SLC9A4: variants seen among roughly 807,000 people sequenced by gnomAD.
SLC9A4 encodes sodium/hydrogen exchanger 4.
In SLC9A4, 63 loss-of-function variants were observed where a neutral mutation model predicts 67.4. The observed-to-expected ratio is 0.93, with a 90% CI of 0.76 to 1.15. The LOEUF is 1.15. Ranked by LOEUF, SLC9A4 falls within the 50% of genes most tolerant of loss-of-function variation. The pLI is 0.00. For synonymous variants in SLC9A4, 393 were observed against 367.2 expected (o/e 1.07, Z -0.80); for missense variants, 1,089 against 987.7 (o/e 1.10, Z -1.38).
chr2:102,505,122 A>T (rs1685022690), intron 3 of SLC9A4, 132 bp from the exon 4 acceptor site: 2 of 784,310 alleles, frequency 2.6e-6, no homozygotes, highest in Non-Finnish European at 4.0e-6. Context: ...ATCTGCAGCC[A>T]CAGAAGGGAA....
At chr2:102,509,129 A>C (rs1440754937) in intron 6 of SLC9A4, among the ~76,000 whole-genome samples, 196 bp downstream of exon 6, 1 of 152,226 alleles carries the variant, frequency 6.6e-6, no homozygotes, top group Non-Finnish European at 1.5e-5. Context: ...ATTGTCTTAT[A>C]GTTCTGGAGG....
chr2:102,497,935 T>C (rs1459445450), intron 2 of SLC9A4, among the ~76,000 whole-genome samples: 1 of 152,244 alleles, frequency 6.6e-6, no homozygotes, highest in Non-Finnish European at 1.5e-5. Flanking sequence ...TCTCTGTGTG[T>C]TAAAAGGGCT....
At chr2:102,496,603 TC>T (rs1460217569) in intron 2 of SLC9A4, among the ~76,000 whole-genome samples, 4 of 152,188 alleles carry the variant, frequency 2.6e-5, no homozygotes, top group Non-Finnish European at 4.4e-5. Flanking sequence ...TGCCATTAGC[TC>T]CCAGACCCAG....
intron 9 of SLC9A4, among the ~76,000 whole-genome samples, chr2:102,523,107 C>T (rs916281856): frequency 4.0e-5 from 6 of 150,378 alleles, no homozygotes; most frequent in African/African-American, 7.4e-5. Flanking sequence ...TAGCTAGGAC[C>T]GCAGGTTCAC....
At chr2:102,522,124 C>G (rs975150757) in intron 9 of SLC9A4, among the ~76,000 whole-genome samples, 1 of 152,184 alleles carries the variant, frequency 6.6e-6, no homozygotes, top group African/African-American at 2.4e-5. Flanking sequence ...AACACTGTTA[C>G]TAATCTTACA....
Position 102,505,465 on chromosome 2 carries a change from G to A in SLC9A4, c.1192G>A (p.Ala398Thr), listed in dbSNP as rs947437875. 1.2e-6 allele frequency: 2 copies of A among 1,613,666 alleles called. No homozygotes were observed. Among genetic ancestry groups the A allele is most frequent in the Non-Finnish European group, 1.7e-6 (2 of 1,180,020 alleles). ...CCTGGCCTTCTGCCAAATCTGGAGA[G>A]CCATCAGTAAGAGACGGCAGGGCTC... ...FTLAFCQIWRAISVFALFYIS... is the reference protein window; with the variant it reads ...FTLAFCQIWRTISVFALFYIS... The change falls in exon 4 of 12, where the codon GCC becomes ACC. Residue 398 changes from alanine to threonine, a missense_variant. Coordinates refer to ENST00000295269, the MANE Select transcript of SLC9A4 (RefSeq NM_001011552.4).
At chr2:102,507,004 C>T (rs561260775) in intron 4 of SLC9A4, among the ~76,000 whole-genome samples, 4 of 152,252 alleles carry the variant, frequency 2.6e-5, no homozygotes, top group Admixed American at 1.3e-4. Flanking sequence ...AGTTCACACT[C>T]GCGAAGGCTT....
rs191545436 is a variant in SLC9A4 at position 102,481,191 on chromosome 2, A to G, written c.720+1889A>G. 2.0e-4 allele frequency among the ~76,000 whole-genome samples: 30 copies of G among 152,290 alleles called. No individual in the cohort carries two copies. The East Asian group carries it at 5.2e-3, about 26-fold the overall frequency. ...TTTGCCAAATATCGTGGCATTACATAATATCAAACCTTAATTTCAGGCCCT... is the reference window on the plus strand; with the variant it reads ...TTTGCCAAATATCGTGGCATTACATGATATCAAACCTTAATTTCAGGCCCT... On this transcript the variant is annotated intron_variant, in intron 2 of 11. Coordinates refer to ENST00000295269, the MANE Select transcript of SLC9A4 (RefSeq NM_001011552.4).
chr2:102,483,659 G>A (rs1333281744), intron 2 of SLC9A4, among the ~76,000 whole-genome samples: 2 of 151,560 alleles, frequency 1.3e-5, no homozygotes, highest in Non-Finnish European at 2.9e-5. Flanking sequence ...ACACACATAC[G>A]CTTAATGGTA....
intron 11 of SLC9A4, among the ~76,000 whole-genome samples, chr2:102,529,228 T>A (rs1253890013): frequency 1.3e-5 from 2 of 152,244 alleles, no homozygotes; most frequent in Non-Finnish European, 2.9e-5. Context: ...TTAGTCCCAA[T>A]GATTTCTTTT....
At chr2:102,513,558 C>G (rs956764721) in intron 7 of SLC9A4, among the ~76,000 whole-genome samples, 1 of 71,566 alleles carries the variant, frequency 1.4e-5, no homozygotes, top group Non-Finnish European at 3.1e-5. Flanking sequence ...TTGGGACATA[C>G]GTAGGGTTTT....
At chr2:102,484,902 G>T (rs980702706) in intron 2 of SLC9A4, among the ~76,000 whole-genome samples, 5 of 152,064 alleles carry the variant, frequency 3.3e-5, no homozygotes, top group African/African-American at 7.2e-5. Context: ...TCCTACTCTT[G>T]CTCCCTCCTC....
intron 1 of SLC9A4, among the ~76,000 whole-genome samples, chr2:102,474,690 C>A (rs931359540): frequency 2.6e-5 from 4 of 152,166 alleles, no homozygotes; most frequent in Non-Finnish European, 4.4e-5. Flanking sequence ...TGTCAAAAAC[C>A]AAAGAGGTGG....
At chr2:102,518,187 TC>T (rs1685315453) in intron 8 of SLC9A4, among the ~76,000 whole-genome samples, 1 of 152,144 alleles carries the variant, frequency 6.6e-6, no homozygotes, top group Admixed American at 6.5e-5. Context: ...ACTAAGTTCG[TC>T]CCCCCCAAAG....
chr2:102,476,324 T>G (rs1267237522), intron 1 of SLC9A4, among the ~76,000 whole-genome samples: 2 of 152,246 alleles, frequency 1.3e-5, no homozygotes, highest in Non-Finnish European at 2.9e-5. Context: ...ACAGGACTTT[T>G]AATATTTGTG....
At position 102,525,101 on chromosome 2, in the gene SLC9A4, G is replaced by A; in HGVS notation, c.1896G>A (p.Gln632=). 6.2e-7 allele frequency: 1 copy of A among 1,614,068 alleles called. No individual in the cohort carries two copies. The highest frequency in any genetic ancestry group is 1.3e-5 in the African/African-American group (1 of 75,004). ...CTAAAGAGATTCTGATCCGCCGCCA[G>A]AACACCTTAAGGGAGAGCATGAGGA... ...KQAKEILIRR[Q]NTLRESMRKG... Residue 632 remains glutamine (Q), a synonymous_variant, in exon 10 of 12, where the codon CAG becomes CAA. Transcript: ENST00000295269.
At position 102,525,089 on chromosome 2, in the gene SLC9A4, G is replaced by C. The variant is rs1176742402; in HGVS notation, c.1884G>C (p.Leu628=). The C allele has an allele frequency of 6.2e-7, 1 of 1,614,080 alleles. No homozygotes were observed. The highest frequency in any genetic ancestry group is 1.7e-5 in the Admixed American group (1 of 60,004). Residue 628 remains leucine, a synonymous_variant, in exon 10 of 12, where the codon CTG becomes CTC. Transcript: ENST00000295269. The stretch of plus-strand genomic sequence containing the variant: ...GTGAGAAGCAGGCTAAAGAGATTCT[G>C]ATCCGCCGCCAGAACACCTTAAGGG... ...QTSEKQAKEI[L]IRRQNTLRES... is the part of the protein sequence containing the mutation.
intron 2 of SLC9A4, among the ~76,000 whole-genome samples, chr2:102,500,705 A>G (rs1684912211): frequency 3.9e-5 from 6 of 152,198 alleles, no homozygotes; most frequent in Admixed American, 3.9e-4. Context: ...AAAAGTGTAC[A>G]GTTACATGGT....
rs747142430 is a variant in SLC9A4, at chr2:102,532,425, C to T, written c.2134C>T (p.Pro712Ser). The T allele has an allele frequency of 7.4e-5, 120 of 1,614,076 alleles. 1 individual carries two copies. In the Admixed American group the frequency reaches 1.9e-3, roughly 26 times the overall value. The change falls in exon 12 of 12, where the codon CCA becomes TCA. Residue 712 changes from proline to serine, a missense_variant. By Grantham distance (74) the Pro-to-Ser change is moderately conservative (BLOSUM62 -1). Coordinates refer to ENST00000295269, the MANE Select transcript of SLC9A4 (RefSeq NM_001011552.4). ...GAAGCAAGAGGCACAAGAAATAATA[C>T]CAATGAAGAGCCTACACAGAGGAAG... Reference protein sequence around the residue: ...LQKQEAQEIIPMKSLHRGRKA... With the variant: ...LQKQEAQEIISMKSLHRGRKA...
Sources: gnomAD v4.1 joint callset for allele counts (sites outside exome capture counted in the v4.1 genomes callset) on GRCh38, gnomAD v4.1.1 for gene constraint, MANE v1.5 for transcripts, NCBI Gene and HGNC (gene_info 2026-07-23, HGNC 2026-07-21) for gene names.